Variants in ZMYND15 observed in about 807,000 individuals in gnomAD.
ZMYND15 encodes the protein zinc finger MYND domain-containing protein 15.
A neutral mutation model predicts 81.7 loss-of-function variants in ZMYND15; 54 were observed. That is an observed-to-expected ratio of 0.66 (90% CI 0.53 to 0.83). ZMYND15 has a LOEUF of 0.83. Among genes scored for constraint, ZMYND15 ranks in the 40% least tolerant of loss-of-function variants. The pLI is 0.00. For synonymous variants in ZMYND15, 399 were observed against 387.0 expected (o/e 1.03, Z -0.36); for missense variants, 925 against 973.5 (o/e 0.95, Z 0.66).
At chr17:4,742,735 C>T (rs938765373) in intron 5 of ZMYND15, among the ~76,000 whole-genome samples, 1 of 152,178 alleles carries the variant, frequency 6.6e-6, no homozygotes, top group South Asian at 2.1e-4. Context: ...CAAACACTTA[C>T]TTGCTTCCCA....
Position 4,744,794 on chromosome 17 carries a change from T to A in ZMYND15, c.1837+16T>A. On this transcript the variant is annotated intron_variant, in intron 11 of 13. Coordinates refer to ENST00000433935, the MANE Select transcript of ZMYND15 (RefSeq NM_001136046.3). The surrounding 1 kb of genome is among the most constrained non-coding windows in gnomAD (Gnocchi z 4.1). Reference sequence around the variant, plus strand: ...CTGGTTATTGGTAAAAGCCTGGGTCTCAGGGTTAGGCATGTGGGGAAGGTG... The same window carrying A: ...CTGGTTATTGGTAAAAGCCTGGGTCACAGGGTTAGGCATGTGGGGAAGGTG... The A allele has an allele frequency of 6.2e-7, 1 of 1,614,104 alleles. No individual in the cohort carries two copies. The highest frequency in any genetic ancestry group is 8.5e-7 in the Non-Finnish European group (1 of 1,180,008).
rs1286736474 is a variant in ZMYND15, at chr17:4,741,131, C to G, written c.583C>G (p.Gln195Glu). The G allele has an allele frequency of 9.5e-6, 14 of 1,475,136 alleles. No homozygotes were observed. Among genetic ancestry groups the G allele is most frequent in the South Asian group, 2.8e-5 (2 of 72,264 alleles). The allele number at this position is 1,475,136 out of a possible 1,614,324, so 91.4% of individuals were successfully genotyped here. A position where few individuals can be genotyped will look rare whatever the true frequency, so the allele number is the denominator to read the frequency against. ...AACAAGACCCCAGAAGAGGAAGGGACAGAGGAGTGGTAAGAACCCAGGGCT... is the reference window on the plus strand; with the variant it reads ...AACAAGACCCCAGAAGAGGAAGGGAGAGAGGAGTGGTAAGAACCCAGGGCT... ...NETRPQKRKG[Q>E]RSEAAPLHVS... Residue 195 changes from glutamine to glutamate, a missense_variant, in exon 2 of 14, where the codon CAG becomes GAG. Transcript: ENST00000433935.
Position 4,740,825 on chromosome 17 carries a change from C to G in ZMYND15, c.277C>G (p.Pro93Ala), listed in dbSNP as rs1164828692. The change falls in exon 2 of 14, where the codon CCT (proline) becomes GCT (alanine). Residue 93 changes from proline to alanine, a missense_variant. By Grantham distance (27) the Pro-to-Ala change is conservative. Coordinates refer to ENST00000433935, the MANE Select transcript of ZMYND15 (RefSeq NM_001136046.3). ...GACTGCCTGGCTCCTGGGAGACAAC[C>G]CTCCACTCCACCTGCGAGACCTGAG... The part of the protein sequence containing the change: ...LGTAWLLGDN[P>A]PLHLRDLSPY... 3 of 1,583,472 alleles carry G rather than the reference C, an allele frequency of 1.9e-6. No homozygotes were observed. The East Asian group carries it at 6.8e-5, about 36-fold the overall frequency.
chr17:4,740,753 A>G lies in ZMYND15; in HGVS notation c.205A>G (p.Ile69Val), dbSNP rs1383665865. 1.2e-6 allele frequency: 2 copies of G among 1,603,692 alleles called. No homozygotes were observed. Among genetic ancestry groups the G allele is most frequent in the Admixed American group, 1.7e-5 (1 of 59,328 alleles). Residue 69 changes from isoleucine (I) to valine (V), a missense_variant, in exon 2 of 14, where the codon ATC becomes GTC. Physicochemically the swap from Ile to Val is conservative, Grantham distance 29. Transcript: ENST00000433935. Reference protein sequence around the residue: ...LHVLPNHSVGISLGQGAEPGP... With the variant: ...LHVLPNHSVGVSLGQGAEPGP... ...TGTCCTGCCCAACCATAGTGTGGGC[A>G]TCAGCCTGGGGCAAGGGGCAGAACC...
chr17:4,742,567 C>T (rs1403395170), intron 5 of ZMYND15, 76 bp downstream of exon 5: 5 of 1,551,528 alleles, frequency 3.2e-6, no homozygotes, highest in Non-Finnish European at 8.8e-7. Flanking sequence ...TGTCTGGGAA[C>T]AGGGTCCTGC....
rs1916388222 is a variant in ZMYND15, at chr17:4,741,124, G to T, written c.576G>T (p.Arg192Ser). 1.3e-6 allele frequency: 2 copies of T among 1,493,622 alleles called. No individual in the cohort carries two copies. Among genetic ancestry groups the T allele is most frequent in the Non-Finnish European group, 1.8e-6 (2 of 1,114,954 alleles). The allele number at this position is 1,493,622 out of a possible 1,614,324, so 92.5% of individuals were successfully genotyped here. A position where few individuals can be genotyped will look rare whatever the true frequency, so the allele number is the denominator to read the frequency against. ...AGAACGAAACAAGACCCCAGAAGAGGAAGGGACAGAGGAGTGGTAAGAACC... is the reference window on the plus strand; with the variant it reads ...AGAACGAAACAAGACCCCAGAAGAGTAAGGGACAGAGGAGTGGTAAGAACC... The part of the protein sequence containing the change: ...RVENETRPQK[R>S]KGQRSEAAPL... The change falls in exon 2 of 14, where the codon AGG becomes AGT. Residue 192 changes from arginine (R) to serine (S), a missense_variant. Transcript: ENST00000433935.
rs577495263 is a variant in ZMYND15, at chr17:4,740,159, G to T, written c.-31+109G>T. The stretch of plus-strand genomic sequence containing the variant: ...GCTCCCACTCCCATACCCCACAGAC[G>T]CATCCAAAATGCTTCCCTCCCCACC... On this transcript the variant is annotated intron_variant, in intron 1 of 13. Coordinates refer to ENST00000433935, the MANE Select transcript of ZMYND15 (RefSeq NM_001136046.3). 9.9e-5 allele frequency: 83 copies of T among 839,578 alleles called. 1 individual carries two copies. The East Asian group carries it at 9.1e-3, about 92-fold the overall frequency. The allele number at this position is 839,578 out of a possible 1,614,324, so 52.0% of individuals were successfully genotyped here.
Position 4,744,458 on chromosome 17 carries a change from C to A in ZMYND15, c.1674C>A (p.Thr558=), listed in dbSNP as rs536217417. ...CCGAAAGCGACGAGCAGCATTTTAC[C>A]CTGCAGAGGGTGAGGGCTGAGGGGG... is the stretch of plus-strand genomic sequence containing the variant. ...LPPESDEQHF[T]LQRDSLEVSV... is the part of the protein sequence containing the mutation. Residue 558 remains threonine, a synonymous_variant, in exon 10 of 14, where the codon ACC becomes ACA. Coordinates refer to ENST00000433935, the MANE Select transcript of ZMYND15 (RefSeq NM_001136046.3). The surrounding 1 kb of genome is among the most constrained non-coding windows in gnomAD (Gnocchi z 4.1). 6.2e-7 allele frequency: 1 copy of A among 1,614,056 alleles called. No individual in the cohort carries two copies. The highest frequency in any genetic ancestry group is 8.5e-7 in the Non-Finnish European group (1 of 1,180,004).
At position 4,745,445 on chromosome 17, in the gene ZMYND15, A is replaced by G. The variant is rs113559397; in HGVS notation, c.2057+70A>G. The G allele has an allele frequency of 2.0e-3, 3,004 of 1,525,638 alleles. 66 individuals are homozygous for G. In the African/African-American group the frequency reaches 0.037, roughly 19 times the overall value. 94.5% of individuals were successfully genotyped at this position (1,525,638 alleles called of 1,614,324 possible). A position where few individuals can be genotyped will look rare whatever the true frequency, so the allele number is the denominator to read the frequency against. ...TTACTCTCTGGCTCCACATCCTCGA[A>G]GGCCCACCTCTACCCTAGTCCCTGC... On this transcript the variant is annotated intron_variant, in intron 13 of 13. Transcript: ENST00000433935. The surrounding 1 kb of genome is among the most constrained non-coding windows in gnomAD (Gnocchi z 5.2).
chr17:4,740,400 T>C (rs1398875590), intron 1 of ZMYND15, 119 bp from the exon 2 acceptor site: 4 of 1,360,480 alleles, frequency 2.9e-6, no homozygotes, highest in Non-Finnish European at 2.9e-6. Context: ...GCTCCTAGCA[T>C]ATCCACGGAT....
Position 4,741,627 on chromosome 17 carries a change from AGCATG to A in ZMYND15, c.642_646del (p.Gly215HisfsTer5). 6.2e-7 allele frequency: 1 copy of A among 1,614,050 alleles called. No homozygotes were observed. Among genetic ancestry groups the A allele is most frequent in the Non-Finnish European group, 8.5e-7 (1 of 1,179,980 alleles). On this transcript the variant is annotated frameshift_variant, in exon 3 of 14. Transcript: ENST00000433935. LOFTEE classifies it high-confidence loss of function. ...TCCTGTCTCTTACTTGTGACGGATG[AGCATG>A]GCACCATCTTGGGCATTGATCTGCT... is the stretch of plus-strand genomic sequence containing the variant.
In ZMYND15 at chr17:4,745,763, G is replaced by C. The variant is rs148755181; in HGVS notation, c.2058-56G>C. 2.4e-3 allele frequency: 1,934 copies of C among 807,934 alleles called. 4 individuals carry two copies. Among genetic ancestry groups the C allele is most frequent in the South Asian group, 5.9e-3 (243 of 41,122 alleles). 50.0% of individuals were successfully genotyped at this position (807,934 alleles called of 1,614,324 possible). On this transcript the variant is annotated intron_variant, in intron 13 of 13. Coordinates refer to ENST00000433935, the MANE Select transcript of ZMYND15 (RefSeq NM_001136046.3). This position sits in a 1 kb window ranked among gnomAD's most constrained non-coding sequence, Gnocchi z 5.2. ...CCTGGGAGCCCCGACCCCTGGGAGC[G>C]CCGACCCCTGGGAGTCCCGCCCCGT...
rs748882881 is a variant in ZMYND15 at position 4,744,701 on chromosome 17, G to T, written c.1760G>T (p.Gly587Val). ...RPSSGTKEKGGRRDLQIKVSA... is the reference protein window; with the variant it reads ...RPSSGTKEKGVRRDLQIKVSA... ...AGCTCTGGCACTAAGGAGAAAGGGG[G>T]CCGCAGGGACCTGCAGATCAAGGTG... The change falls in exon 11 of 14, where the codon GGC (glycine) becomes GTC (valine). Residue 587 changes from glycine (G) to valine (V), a missense_variant. Gly to Val is a moderately radical substitution (Grantham distance 109, BLOSUM62 -3). Coordinates refer to ENST00000433935, the MANE Select transcript of ZMYND15 (RefSeq NM_001136046.3). The surrounding 1 kb of genome is among the most constrained non-coding windows in gnomAD (Gnocchi z 4.1). 3.7e-6 allele frequency: 6 copies of T among 1,613,960 alleles called. No individual in the cohort carries two copies. Among genetic ancestry groups the T allele is most frequent in the Non-Finnish European group, 5.1e-6 (6 of 1,180,020 alleles).
rs982935676 is a variant in ZMYND15, at chr17:4,744,145, G to T, written c.1495+38G>T. ...GAGTGGGGGGTGGAGCAGGATGGGGGAGTGAGAGTGGACCACATCCTTAAA... is the reference window on the plus strand; with the variant it reads ...GAGTGGGGGGTGGAGCAGGATGGGGTAGTGAGAGTGGACCACATCCTTAAA... On this transcript the variant is annotated intron_variant, in intron 8 of 13. Transcript: ENST00000433935. The surrounding 1 kb of genome is among the most constrained non-coding windows in gnomAD (Gnocchi z 4.1). The T allele has an allele frequency of 5.6e-6, 9 of 1,612,694 alleles. No individual in the cohort carries two copies. The highest frequency in any genetic ancestry group is 7.6e-6 in the Non-Finnish European group (9 of 1,179,100).
In ZMYND15 at chr17:4,743,357, C is replaced by T; in HGVS notation, c.1199C>T (p.Thr400Ile). Residue 400 changes from threonine to isoleucine, a missense_variant, in exon 6 of 14, where the codon ACT becomes ATT. Transcript: ENST00000433935. The surrounding 1 kb of genome is among the most constrained non-coding windows in gnomAD (Gnocchi z 4.3). ...KEAFLASRGL[T>I]RGYWTQLSML... ...GCCTTCCTGGCCTCTCGGGGCCTCA[C>T]TCGTGGCTATTGGACCCAGCTCAGC... 1 of 1,614,124 alleles carries T rather than the reference C, an allele frequency of 6.2e-7. No homozygotes were observed. The highest frequency in any genetic ancestry group is 8.5e-7 in the Non-Finnish European group (1 of 1,180,010).
Position 4,745,735 on chromosome 17 carries a change from G to GCCCCTTGGAGCCCCGA in ZMYND15, c.2058-79_2058-78insTGGAGCCCCGACCCCT. ...GCCCCGCCCCCTGGTCCCTGACCGC[G>GCCCCTTGGAGCCCCGA]CCCCTGGGAGCCCCGACCCCTGGGA... On this transcript the variant is annotated intron_variant, in intron 13 of 13. Transcript: ENST00000433935. This position sits in a 1 kb window ranked among gnomAD's most constrained non-coding sequence, Gnocchi z 5.2. 1.3e-6 allele frequency: 1 copy of GCCCCTTGGAGCCCCGA among 775,946 alleles called. No homozygotes were observed. The highest frequency in any genetic ancestry group is 1.9e-6 in the Non-Finnish European group (1 of 523,572). The allele number at this position is 775,946 out of a possible 1,614,324, so 48.1% of individuals were successfully genotyped here.
In ZMYND15 at chr17:4,743,424, C is replaced by A. The variant is rs760170175; in HGVS notation, c.1266C>A (p.Gly422=). The A allele has an allele frequency of 6.2e-7, 1 of 1,614,122 alleles. No homozygotes were observed. The highest frequency in any genetic ancestry group is 1.1e-5 in the South Asian group (1 of 91,074). The change falls in exon 6 of 14, where the codon GGC becomes GGA. Residue 422 remains glycine, a synonymous_variant. Coordinates refer to ENST00000433935, the MANE Select transcript of ZMYND15 (RefSeq NM_001136046.3). This position sits in a 1 kb window ranked among gnomAD's most constrained non-coding sequence, Gnocchi z 4.3. ...CGGGCTTCTCCAGACACCCCCGAGG[C>A]AACACGCCATCCCTCAGCCTTCTTC... The part of the protein sequence containing the change: ...PGPGFSRHPR[G]NTPSLSLLRG...
In ZMYND15 at chr17:4,744,790, G is replaced by T. The variant is rs1916589530; in HGVS notation, c.1837+12G>T. The T allele has an allele frequency of 1.2e-6, 2 of 1,614,146 alleles. No individual in the cohort carries two copies. Among genetic ancestry groups the T allele is most frequent in the Non-Finnish European group, 8.5e-7 (1 of 1,180,016 alleles). ...TGACCTGGTTATTGGTAAAAGCCTG[G>T]GTCTCAGGGTTAGGCATGTGGGGAA... On this transcript the variant is annotated intron_variant, in intron 11 of 13. Transcript: ENST00000433935. This position sits in a 1 kb window ranked among gnomAD's most constrained non-coding sequence, Gnocchi z 4.1.
In ZMYND15 at chr17:4,740,524, G is replaced by C. The variant is rs777152925; in HGVS notation, c.-25G>C. 6.4e-7 allele frequency: 1 copy of C among 1,563,512 alleles called. No homozygotes were observed. The highest frequency in any genetic ancestry group is 8.7e-7 in the Non-Finnish European group (1 of 1,150,630). ...ATATCCCTTCTTTTGCTCAGTCTGG[G>C]CCGGGGCCCTGTGCCGCTGAAGACA... On this transcript the variant is annotated 5_prime_UTR_variant, in exon 2 of 14. Transcript: ENST00000433935.
Sources: gnomAD v4.1 joint callset for allele counts (sites outside exome capture counted in the v4.1 genomes callset) on GRCh38, gnomAD v4.1.1 for gene constraint, Gnocchi (gnomAD v3.1) non-coding constraint, MANE v1.5 for transcripts, NCBI Gene and HGNC (gene_info 2026-07-23, HGNC 2026-07-21) for gene names.